ANKRD17: variants seen among roughly 807,000 people sequenced by gnomAD.
ANKRD17 encodes ankyrin repeat domain-containing protein 17.
ANKRD17 carries 19 observed loss-of-function variants against 229.7 expected under a neutral mutation model. The observed-to-expected ratio is 0.08, with a 90% CI of 0.06 to 0.12. The LOEUF is 0.12. Among genes scored for constraint, ANKRD17 ranks in the 10% least tolerant of loss-of-function variants. The pLI, the probability that ANKRD17 is intolerant of heterozygous loss-of-function variation, is 1.00. For missense variants in ANKRD17, 2,176 were observed against 3,176.8 expected, an observed-to-expected ratio of 0.68 and a Z score of 7.57; for synonymous variants, 1,112 against 1,146.1, an observed-to-expected ratio of 0.97 and a Z score of 0.60.
In ANKRD17 at chr4:73,091,107, T is replaced by C. The variant is rs1722751999; in HGVS notation, c.6521A>G (p.Glu2174Gly). ...MGCPQPTPKMETPAIRPPPHG... is the reference protein window; with the variant it reads ...MGCPQPTPKMGTPAIRPPPHG... ...AGGGGGTGGTCTAATAGCAGGGGTT[T>C]CCATTTTAGGAGTAGGCTGGGGGCA... Residue 2174 changes from glutamate to glycine, a missense_variant, in exon 29 of 34, where the codon GAA (glutamate) becomes GGA (glycine). By Grantham distance (98) the Glu-to-Gly change is moderately conservative. Around this residue, in one of 18 missense-constraint regions of ANKRD17, gnomAD observed 424 missense variants for 454.0 expected, o/e 0.93. Transcript: ENST00000358602. 1 of 1,614,032 alleles carries C rather than the reference T, an allele frequency of 6.2e-7. No homozygotes were observed. Among genetic ancestry groups the C allele is most frequent in the East Asian group, 2.2e-5 (1 of 44,894 alleles).
chr4:73,151,499 A>G lies in ANKRD17; in HGVS notation c.1260T>C (p.Leu420=). The G allele has an allele frequency of 6.2e-7, 1 of 1,609,616 alleles. No homozygotes were observed. Among genetic ancestry groups the G allele is most frequent in the Non-Finnish European group, 8.5e-7 (1 of 1,177,826 alleles). The change falls in exon 7 of 34, where the codon CTT becomes CTC. Residue 420 remains leucine, a synonymous_variant. Coordinates refer to ENST00000358602, the MANE Select transcript of ANKRD17 (RefSeq NM_032217.5). The stretch of plus-strand genomic sequence containing the variant: ...GCTCTTGATCCGCGCCTGCTTCCAA[A>G]AGAAATCGCACCATCTCTAAGTGTC... ...YKGHLEMVRF[L]LEAGADQEHK...
chr4:73,133,327 A>C (rs531097770), intron 16 of ANKRD17, among the ~76,000 whole-genome samples: 6 of 152,224 alleles, frequency 3.9e-5, no homozygotes, highest in Admixed American at 3.3e-4. Flanking sequence ...AGTTCAAACC[A>C]ATTCTACAAT....
intron 1 of ANKRD17, among the ~76,000 whole-genome samples, chr4:73,240,767 G>A (rs1743948137): frequency 6.7e-6 from 1 of 150,008 alleles, no homozygotes; most frequent in East Asian, 2.0e-4. Flanking sequence ...GCCAATTTTA[G>A]TATTCAGGCC....
intron 1 of ANKRD17, among the ~76,000 whole-genome samples, chr4:73,230,158 T>C (rs747983016): frequency 4.6e-5 from 7 of 152,052 alleles, no homozygotes; most frequent in Admixed American, 3.3e-4. Context: ...TCGAGAAATG[T>C]AGAAGAATAT....
rs745753315 is a variant in ANKRD17 at position 73,091,049 on chromosome 4, A to C, written c.6579T>G (p.Ala2193=). The C allele has an allele frequency of 1.2e-6, 2 of 1,614,200 alleles. No individual in the cohort carries two copies. The highest frequency in any genetic ancestry group is 2.2e-5 in the South Asian group (2 of 91,082). ...HGTTAPHKNS[A]SVQNSSVAVL... The stretch of plus-strand genomic sequence containing the variant: ...CTGCAACAGATGAATTTTGCACTGA[A>C]GCTGAATTCTTGTGAGGGGCAGTTG... Residue 2193 remains alanine, a synonymous_variant, in exon 29 of 34, where the codon GCT becomes GCG. Transcript: ENST00000358602.
Position 73,110,011 on chromosome 4 carries a change from CAAAAAAAAAAA to C in ANKRD17, c.4401+3770_4401+3780del, listed in dbSNP as rs1175850592. ...ATTACCTAGCTCCCTAAAAGTTTAC[CAAAAAAAAAAA>C]AAAAAAAAAAAAAGGTAGAGGAAAA... On this transcript the variant is annotated intron_variant, in intron 24 of 33. Coordinates refer to ENST00000358602, the MANE Select transcript of ANKRD17 (RefSeq NM_032217.5). Among the ~76,000 whole-genome samples the C allele has an allele frequency of 2.1e-4, 7 of 33,218 alleles. No individual in the cohort carries two copies. The East Asian group carries it at 3.6e-3, about 17-fold the overall frequency. The allele number at this position is 33,218 out of a possible 152,430, so 21.8% of individuals were successfully genotyped here. A position where few individuals can be genotyped will look rare whatever the true frequency, so the allele number is the denominator to read the frequency against.
At position 73,226,389 on chromosome 4, in the gene ANKRD17, G is replaced by GTTTTTT. The variant is rs1157719883; in HGVS notation, c.393+31881_393+31886dup. ...TAATAGTAATAATTTCTTTTCTTCT[G>GTTTTTT]TTTTTTTTTTTTTTTTTTTTTTTGA... is the stretch of plus-strand genomic sequence containing the variant. On this transcript the variant is annotated intron_variant, in intron 1 of 33. Coordinates refer to ENST00000358602, the MANE Select transcript of ANKRD17 (RefSeq NM_032217.5). 1.3e-3 allele frequency among the ~76,000 whole-genome samples: 117 copies of GTTTTTT among 87,608 alleles called. 1 individual carries two copies. Among genetic ancestry groups the GTTTTTT allele is most frequent in the Middle Eastern group, 0.014 (1 of 70 alleles). The allele number at this position is 87,608 out of a possible 152,430, so 57.5% of individuals were successfully genotyped here.
chr4:73,123,290 G>A (rs1022044933), intron 18 of ANKRD17, among the ~76,000 whole-genome samples: 3 of 151,876 alleles, frequency 2.0e-5, no homozygotes, highest in Admixed American at 1.3e-4. Context: ...TTTGCTTTCC[G>A]GGATTTATGG....
At chr4:73,236,667 AAAT>A (rs1743544050) in intron 1 of ANKRD17, among the ~76,000 whole-genome samples, 1 of 152,228 alleles carries the variant, frequency 6.6e-6, no homozygotes, top group African/African-American at 2.4e-5. Context: ...GGGAAAAAAA[AAAT>A]GACAACTTCA....
rs185651649 is a variant in ANKRD17 at position 73,109,056 on chromosome 4, T to C, written c.4401+4736A>G. Reference sequence around the variant, plus strand: ...GCTCACGCCTGTTATTCCCAGCACTTTGGGAGGCCAAGGCGGGCAGATTGC... The same window carrying C: ...GCTCACGCCTGTTATTCCCAGCACTCTGGGAGGCCAAGGCGGGCAGATTGC... On this transcript the variant is annotated intron_variant, in intron 24 of 33. Coordinates refer to ENST00000358602, the MANE Select transcript of ANKRD17 (RefSeq NM_032217.5). 6.6e-5 allele frequency among the ~76,000 whole-genome samples: 10 copies of C among 152,312 alleles called. No individual in the cohort carries two copies. The East Asian group carries it at 1.7e-3, about 26-fold the overall frequency.
chr4:73,227,305 C>A (rs1003063404), intron 1 of ANKRD17, among the ~76,000 whole-genome samples: 1 of 152,098 alleles, frequency 6.6e-6, no homozygotes, highest in East Asian at 1.9e-4. Flanking sequence ...AGGCGCCCAC[C>A]ACCACGCCTG....
rs1268451857 is a variant in ANKRD17, at chr4:73,073,633, AAATT to A, written c.*2594_*2597del. 6.6e-6 allele frequency: 1 copy of A among 152,040 alleles called. No homozygotes were observed. Among genetic ancestry groups the A allele is most frequent in the African/African-American group, 2.4e-5 (1 of 41,446 alleles). The allele number at this position is 152,040 out of a possible 1,614,324, so 9.4% of individuals were successfully genotyped here. On this transcript the variant is annotated 3_prime_UTR_variant, in exon 34 of 34. Transcript: ENST00000358602. ...TGACTATACGTAGTCATTTACAAAA[AAATT>A]AATTTTCATGTATCAATAAAAATGA...
rs539723436 is a variant in ANKRD17, at chr4:73,229,495, T to TCACAAATCAAAGTTA, written c.393+28766_393+28780dup. On this transcript the variant is annotated intron_variant, in intron 1 of 33. Transcript: ENST00000358602. ...GTTCATCATTTCTACTTTTCAAGAA[T>TCACAAATCAAAGTTA]CACAAATCAAAGTTACACCTCCTCT... 3.2e-4 allele frequency among the ~76,000 whole-genome samples: 49 copies of TCACAAATCAAAGTTA among 151,800 alleles called. No individual in the cohort carries two copies. The South Asian group carries it at 0.01, about 32-fold the overall frequency.
intron 27 of ANKRD17, among the ~76,000 whole-genome samples, chr4:73,094,846 T>C (rs1397976816): frequency 6.6e-6 from 1 of 152,022 alleles, no homozygotes; most frequent in African/African-American, 2.4e-5. Flanking sequence ...CTTCTTTTTA[T>C]TCTCTAATAT....
intron 30 of ANKRD17, among the ~76,000 whole-genome samples, chr4:73,081,358 A>G (rs112993394): frequency 5.4e-5 from 8 of 147,930 alleles, no homozygotes; most frequent in Non-Finnish European, 1.0e-4. Flanking sequence ...CAAATCCTCT[A>G]AGAGAGAGAG....
At position 73,135,128 on chromosome 4, in the gene ANKRD17, T is replaced by C. The variant is rs1728725906; in HGVS notation, c.3223A>G (p.Ile1075Val). 3 of 1,613,208 alleles carry C rather than the reference T, an allele frequency of 1.9e-6. No homozygotes were observed. Among genetic ancestry groups the C allele is most frequent in the Admixed American group, 1.7e-5 (1 of 59,944 alleles). Residue 1075 changes from isoleucine (I) to valine (V), a missense_variant, in exon 16 of 34, where the codon ATT becomes GTT. Transcript: ENST00000358602. ...AGTTTGGGACTTACCTGTGCATCAA[T>C]ATCAATGGCAGGGTAGATAGGAAGC... ...AMLPIYPAID[I>V]DAQTESNHDT...
intron 21 of ANKRD17, 88 bp downstream of exon 21, chr4:73,120,074 G>T: frequency 1.4e-6 from 2 of 1,393,952 alleles, no homozygotes; most frequent in Admixed American, 1.8e-5. Flanking sequence ...AATCACATTT[G>T]ATTTTTTAAA....
At chr4:73,213,132 A>G (rs1740540368) in intron 1 of ANKRD17, among the ~76,000 whole-genome samples, 1 of 152,178 alleles carries the variant, frequency 6.6e-6, no homozygotes, top group South Asian at 2.1e-4. Context: ...TAGTTTCTCA[A>G]ACTTAAGCAT....
At chr4:73,132,565 G>C (rs1728361051) in intron 16 of ANKRD17, among the ~76,000 whole-genome samples, 1 of 151,958 alleles carries the variant, frequency 6.6e-6, no homozygotes, top group African/African-American at 2.4e-5. Context: ...ACTCAGGTCT[G>C]GCTAACCCAA....
Sources: gnomAD v4.1 joint callset for allele counts (sites outside exome capture counted in the v4.1 genomes callset) on GRCh38, gnomAD v4.1.1 for gene constraint, gnomAD v4.1.1 regional missense constraint, MANE v1.5 for transcripts, NCBI Gene and HGNC (gene_info 2026-07-23, HGNC 2026-07-21) for gene names.